CCSER2: variants seen among roughly 807,000 people sequenced by gnomAD.
The protein encoded by CCSER2 is coiled-coil serine rich protein 2.
Under a neutral mutation model 92.3 loss-of-function variants are expected in CCSER2, and 46 were observed. The ratio of observed to expected loss-of-function variants is 0.50; its 90% CI spans 0.39 to 0.64. The LOEUF is 0.64. Among genes scored for constraint, CCSER2 ranks in the 30% least tolerant of loss-of-function variants. The probability of loss-of-function intolerance (pLI) is 0.00; values close to 1 mark genes in which losing one functional copy is unlikely to be tolerated. For synonymous variants in CCSER2, 433 were observed against 431.4 expected (o/e 1.00, Z -0.04); for missense variants, 1,244 against 1,238.9 (o/e 1.00, Z -0.06).
intron 9 of CCSER2, among the ~76,000 whole-genome samples, chr10:84,478,343 C>T (rs531200000): frequency 9.9e-4 from 151 of 152,258 alleles, no homozygotes; most frequent in Non-Finnish European, 9.6e-4. Flanking sequence ...AGTCATTCTG[C>T]TGTTGTTTGG....
chr10:84,459,777 GCCA>G (rs1300224254), intron 6 of CCSER2, among the ~76,000 whole-genome samples: 1 of 152,090 alleles, frequency 6.6e-6, no homozygotes, highest in Non-Finnish European at 1.5e-5. Flanking sequence ...GCCCCTCTTG[GCCA>G]CCCAAAGTAC....
In CCSER2 at chr10:84,424,924, G is replaced by A; in HGVS notation, c.1706-807G>A. On this transcript the variant is annotated intron_variant, in intron 4 of 9. Coordinates refer to ENST00000372088, the MANE Select transcript of CCSER2 (RefSeq NM_001284240.2). ...GGAGGGCTGGGTTTTGAGCAGGAAGGAAGGCCTGTTCAGCAGTGCCTTGGG... is the reference window on the plus strand; with the variant it reads ...GGAGGGCTGGGTTTTGAGCAGGAAGAAAGGCCTGTTCAGCAGTGCCTTGGG... 6 of 911,710 alleles carry A rather than the reference G, an allele frequency of 6.6e-6. No individual in the cohort carries two copies. The South Asian group carries it at 3.0e-4, about 46-fold the overall frequency. The allele number at this position is 911,710 out of a possible 1,614,324, so 56.5% of individuals were successfully genotyped here. A position where few individuals can be genotyped will look rare whatever the true frequency, so the allele number is the denominator to read the frequency against.
At chr10:84,469,977 C>T in intron 7 of CCSER2, among the ~76,000 whole-genome samples, 1 of 150,472 alleles carries the variant, frequency 6.6e-6, no homozygotes, top group Non-Finnish European at 1.5e-5. Flanking sequence ...CTTATGTATC[C>T]CTTGAAGTCT....
chr10:84,418,890 C>G (rs2133395744), intron 4 of CCSER2, among the ~76,000 whole-genome samples: 1 of 152,204 alleles, frequency 6.6e-6, no homozygotes, highest in Non-Finnish European at 1.5e-5. Context: ...GAGGTCTGTT[C>G]CATGTTTCTT....
At chr10:84,347,745 C>A (rs1473743078) in intron 1 of CCSER2, among the ~76,000 whole-genome samples, 1 of 149,196 alleles carries the variant, frequency 6.7e-6, no homozygotes, top group African/African-American at 2.5e-5. Flanking sequence ...TCAGACGGGG[C>A]GGCTGCCGGG....
intron 3 of CCSER2, among the ~76,000 whole-genome samples, chr10:84,376,059 T>C (rs1424413390): frequency 1.3e-5 from 2 of 152,116 alleles, no homozygotes; most frequent in Non-Finnish European, 2.9e-5. Flanking sequence ...TCATTTCTGC[T>C]GACATTGTTT....
intron 6 of CCSER2, chr10:84,456,032 T>A: frequency 2.1e-6 from 1 of 483,188 alleles, no homozygotes; most frequent in Admixed American, 2.7e-5. Context: ...CTTCTAGATG[T>A]TTCTGTAGCT....
At chr10:84,424,510 G>A (rs1413037497) in intron 4 of CCSER2, among the ~76,000 whole-genome samples, 2 of 152,102 alleles carry the variant, frequency 1.3e-5, no homozygotes, top group Non-Finnish European at 2.9e-5. Context: ...AATGAATTCA[G>A]TATATATGAG....
At chr10:84,473,247 T>A (rs1009674760) in intron 8 of CCSER2, 2 of 152,182 alleles carry the variant, frequency 1.3e-5, no homozygotes, top group Non-Finnish European at 2.9e-5. Flanking sequence ...TGTGCCTAGT[T>A]TTCCTGTGGA....
Position 84,500,285 on chromosome 10 carries a change from TTG to T in CCSER2, c.2326-13160_2326-13159del, listed in dbSNP as rs1277784860. Reference sequence around the variant, plus strand: ...CCTTGAAATATGTGAATAAAAATTGTTGTGTTATCTAATTGTTTTAAAAAGTG... The same window carrying T: ...CCTTGAAATATGTGAATAAAAATTGTTGTTATCTAATTGTTTTAAAAAGTG... On this transcript the variant is annotated intron_variant, in intron 9 of 9. Coordinates refer to ENST00000372088, the MANE Select transcript of CCSER2 (RefSeq NM_001284240.2). Among the ~76,000 whole-genome samples, 6 of 152,230 alleles carry T rather than the reference TTG, an allele frequency of 3.9e-5. No homozygotes were observed. In the East Asian group the frequency reaches 1.2e-3, roughly 29 times the overall value.
At chr10:84,361,334 C>T (rs1434365122) in intron 1 of CCSER2, among the ~76,000 whole-genome samples, 1 of 152,152 alleles carries the variant, frequency 6.6e-6, no homozygotes, top group Non-Finnish European at 1.5e-5. Flanking sequence ...GGCTTGTCTC[C>T]CTTTGGAATT....
At chr10:84,470,266 C>A (rs1342077051) in intron 7 of CCSER2, 106 bp from the exon 8 acceptor site, 3 of 569,502 alleles carry the variant, frequency 5.3e-6, no homozygotes, top group African/African-American at 3.9e-5. Context: ...GGATTTCCCC[C>A]CTAAATGACC....
chr10:84,379,737 G>A (rs778541235), intron 3 of CCSER2, among the ~76,000 whole-genome samples: 2 of 152,074 alleles, frequency 1.3e-5, no homozygotes, highest in African/African-American at 2.4e-5. Flanking sequence ...TACAACTTAG[G>A]TAAGTGATAT....
At position 84,371,672 on chromosome 10, in the gene CCSER2, C is replaced by G; in HGVS notation, c.620C>G (p.Pro207Arg). ...TCTGGAGAAAGCTTAGCTCAATCCC[C>G]AGACAGTAGTAAATCTATTAATTGT... ...SSSGESLAQS[P>R]DSSKSINCEK... The change falls in exon 2 of 10, where the codon CCA (proline) becomes CGA (arginine). Residue 207 changes from proline (P) to arginine (R), a missense_variant. By Grantham distance (103) the Pro-to-Arg change is moderately radical. Transcript: ENST00000372088. 1 of 1,613,788 alleles carries G rather than the reference C, an allele frequency of 6.2e-7. No individual in the cohort carries two copies. The highest frequency in any genetic ancestry group is 1.3e-5 in the African/African-American group (1 of 75,040).
At position 84,499,914 on chromosome 10, in the gene CCSER2, T is replaced by G. The variant is rs1004371904; in HGVS notation, c.2326-13535T>G. On this transcript the variant is annotated intron_variant, in intron 9 of 9. Transcript: ENST00000372088. The stretch of plus-strand genomic sequence containing the variant: ...TCCCTCCTTCTCTCCTTGGCAGGGC[T>G]CCTTCCAGGGGATCCCACGGACTGT... 7.4e-6 allele frequency: 12 copies of G among 1,613,830 alleles called. No individual in the cohort carries two copies. The highest frequency in any genetic ancestry group is 1.0e-5 in the Non-Finnish European group (12 of 1,179,716).
At chr10:84,367,707 C>CTT (rs71013317) in intron 1 of CCSER2, among the ~76,000 whole-genome samples, 68 of 141,446 alleles carry the variant, frequency 4.8e-4, no homozygotes, top group African/African-American at 1.0e-3. Flanking sequence ...CTTTTCCTTG[C>CTT]TTTTTTTTTT....
intron 1 of CCSER2, among the ~76,000 whole-genome samples, chr10:84,339,113 CTTTTT>C (rs997627427): frequency 2.9e-5 from 4 of 135,650 alleles, no homozygotes; most frequent in African/African-American, 6.0e-5. Flanking sequence ...CTTTTCTTTT[CTTTTT>C]TTTTTGTTTT....
intron 5 of CCSER2, among the ~76,000 whole-genome samples, chr10:84,437,445 C>T (rs1844240599): frequency 6.6e-6 from 1 of 151,648 alleles, no homozygotes; most frequent in African/African-American, 2.4e-5. Flanking sequence ...ACTCCGGAGG[C>T]AGAGGTTACA....
intron 9 of CCSER2, among the ~76,000 whole-genome samples, chr10:84,496,227 A>T (rs1848441330): frequency 2.0e-5 from 3 of 152,222 alleles, no homozygotes; most frequent in African/African-American, 7.2e-5. Context: ...TATTTTAAGA[A>T]GTACATAAGA....
Sources: gnomAD v4.1 joint callset for allele counts (sites outside exome capture counted in the v4.1 genomes callset) on GRCh38, gnomAD v4.1.1 for gene constraint, MANE v1.5 for transcripts, NCBI Gene and HGNC (gene_info 2026-07-23, HGNC 2026-07-21) for gene names.